SIDT2: variants seen among roughly 807,000 people sequenced by gnomAD.
SIDT2 encodes the protein SID1 transmembrane family, member 2.
Under a neutral mutation model 114.4 loss-of-function variants are expected in SIDT2, and 68 were observed. That is an observed-to-expected ratio of 0.59 (90% CI 0.49 to 0.73). The LOEUF is 0.73. SIDT2 is among the 30% of genes least tolerant of loss of function. SIDT2 has a pLI of 0.00. For synonymous variants in SIDT2, 470 were observed against 438.4 expected (o/e 1.07, Z -0.90); for missense variants, 918 against 1,097.1 (o/e 0.84, Z 2.31).
chr11:117,189,132 G>C (rs756126296), intron 13 of SIDT2, 37 bp from the exon 14 acceptor site: 1 of 1,606,170 alleles, frequency 6.2e-7, no homozygotes, highest in South Asian at 1.1e-5. Context: ...CTTCTCCCAA[G>C]TAGCAGTAAG....
chr11:117,190,162 C>G lies in SIDT2; in HGVS notation c.1494-4C>G. Reference sequence around the variant, plus strand: ...AGCAGTCTGCCTTGTGTTGCCCCTTCTAGCGCCTTCAACAACATCCTCAGC... The same window carrying G: ...AGCAGTCTGCCTTGTGTTGCCCCTTGTAGCGCCTTCAACAACATCCTCAGC... On this transcript the variant is annotated splice_region_variant and splice_polypyrimidine_tract_variant and intron_variant, in intron 16 of 25. Transcript: ENST00000324225. The surrounding 1 kb of genome is among the most constrained non-coding windows in gnomAD (Gnocchi z 4.1). The G allele has an allele frequency of 6.3e-7, 1 of 1,585,410 alleles. No homozygotes were observed. Among genetic ancestry groups the G allele is most frequent in the African/African-American group, 1.3e-5 (1 of 74,282 alleles).
rs761358322 is a variant in SIDT2 at position 117,181,806 on chromosome 11, G to T, written c.306-1G>T. On this transcript the variant is annotated splice_acceptor_variant, in intron 2 of 25. Transcript: ENST00000324225. LOFTEE classifies it high-confidence loss of function. ...TCCTATCTCCCTGCTTCGGGCCATA[G>T]GTTTCAGCGCAAGTACCTCTACCAA... 2 of 1,614,176 alleles carry T rather than the reference G, an allele frequency of 1.2e-6. No homozygotes were observed. The highest frequency in any genetic ancestry group is 1.7e-6 in the Non-Finnish European group (2 of 1,180,036).
chr11:117,190,121 C>CTGGGTGTGAGTCCCAAGCAGTCTGCCT lies in SIDT2; in HGVS notation c.1494-42_1494-16dup. ...TGCCCACGTGGGCTAGGGAAGAGGC[C>CTGGGTGTGAGTCCCAAGCAGTCTGCCT]TGGGTGTGAGTCCCAAGCAGTCTGC... On this transcript the variant is annotated intron_variant, in intron 16 of 25. Transcript: ENST00000324225. The surrounding 1 kb of genome is among the most constrained non-coding windows in gnomAD (Gnocchi z 4.1). 3 of 1,609,384 alleles carry CTGGGTGTGAGTCCCAAGCAGTCTGCCT rather than the reference C, an allele frequency of 1.9e-6. No individual in the cohort carries two copies. In the South Asian group the frequency reaches 3.3e-5, roughly 18 times the overall value.
At chr11:117,181,762 G>T (rs748113514) in intron 2 of SIDT2, 45 bp from the exon 3 acceptor site, 4 of 1,612,546 alleles carry the variant, frequency 2.5e-6, no homozygotes, top group Non-Finnish European at 8.5e-7. Context: ...GGGGCAGGCC[G>T]GCTGGGACAG....
In SIDT2 at chr11:117,184,140, G is replaced by A; in HGVS notation, c.868+1G>A. On this transcript the variant is annotated splice_donor_variant, in intron 8 of 25. Transcript: ENST00000324225. LOFTEE classifies it high-confidence loss of function. ...GTGCTGGTGTCTCAAGCAGTCACGT[G>A]TGAGTGCTGCAGGTGGCTGAGAGGG... The A allele has an allele frequency of 1.2e-6, 2 of 1,614,036 alleles. No homozygotes were observed. Among genetic ancestry groups the A allele is most frequent in the Non-Finnish European group, 1.7e-6 (2 of 1,179,952 alleles).
chr11:117,187,251 G>C, intron 10 of SIDT2, 127 bp from the exon 11 acceptor site: 1 of 1,011,946 alleles, frequency 9.9e-7, no homozygotes, highest in Non-Finnish European at 1.6e-6. Flanking sequence ...GCCTGGATAG[G>C]TGCTGCTTCT....
chr11:117,196,015 A>T lies in SIDT2; in HGVS notation c.2448A>T (p.Thr816=). ...AMFGSFLVLL[T]LDDDLDTVQR... Reference sequence around the variant, plus strand: ...CGTCCACACCCCAGGTGTTGCTGACACTGGATGACGACCTGGATACTGTGC... The same window carrying T: ...CGTCCACACCCCAGGTGTTGCTGACTCTGGATGACGACCTGGATACTGTGC... Residue 816 remains threonine (T), a synonymous_variant, in exon 26 of 26, where the codon ACA becomes ACT. Transcript: ENST00000324225. The surrounding 1 kb of genome is among the most constrained non-coding windows in gnomAD (Gnocchi z 4.9). 6.2e-7 allele frequency: 1 copy of T among 1,614,202 alleles called. No individual in the cohort carries two copies. Among genetic ancestry groups the T allele is most frequent in the Non-Finnish European group, 8.5e-7 (1 of 1,180,030 alleles).
At chr11:117,193,337 G>A in intron 23 of SIDT2, 79 bp downstream of exon 23, 1 of 1,232,658 alleles carries the variant, frequency 8.1e-7, no homozygotes. Context: ...GCATTGAGGG[G>A]CAGTGAGAAG....
At position 117,192,240 on chromosome 11, in the gene SIDT2, TG is replaced by T; in HGVS notation, c.1873-12del. The T allele has an allele frequency of 6.4e-7, 1 of 1,564,340 alleles. No homozygotes were observed. The highest frequency in any genetic ancestry group is 8.8e-7 in the Non-Finnish European group (1 of 1,134,916). On this transcript the variant is annotated splice_polypyrimidine_tract_variant and intron_variant, in intron 19 of 25. Coordinates refer to ENST00000324225, the MANE Select transcript of SIDT2 (RefSeq NM_001040455.2). This position sits in a 1 kb window ranked among gnomAD's most constrained non-coding sequence, Gnocchi z 5.9. ...TCTCCACCCTCACCGCTGCCCTTGG[TG>T]GCCTCCCGACAGGTCTTTGGCAAAG...
At chr11:117,189,440 G>A (rs753116263) in intron 15 of SIDT2, 39 bp downstream of exon 15, 3 of 1,602,704 alleles carry the variant, frequency 1.9e-6, no homozygotes, top group Non-Finnish European at 2.6e-6. Context: ...CGACAGCCTA[G>A]GACACCGCCC....
At chr11:117,195,759 C>G in intron 24 of SIDT2, 43 bp from the exon 25 acceptor site, 2 of 1,608,538 alleles carry the variant, frequency 1.2e-6, no homozygotes, top group Non-Finnish European at 1.7e-6. Flanking sequence ...CCTTGCCCTG[C>G]CAGAGCAGGG....
In SIDT2 at chr11:117,183,849, G is replaced by C; in HGVS notation, c.773G>C (p.Gly258Ala). ...VVKTEDQACG[G>A]SLPFYPFAED... ...AAGACCGAAGACCAAGCCTGCGGGG[G>C]CTCCCTGCCTTTCTACCCCTTCGCA... The change falls in exon 7 of 26, where the codon GGC becomes GCC. Residue 258 changes from glycine to alanine, a missense_variant. Transcript: ENST00000324225. 2 of 1,613,898 alleles carry C rather than the reference G, an allele frequency of 1.2e-6. No individual in the cohort carries two copies. Among genetic ancestry groups the C allele is most frequent in the Non-Finnish European group, 1.7e-6 (2 of 1,179,828 alleles).
In SIDT2 at chr11:117,190,717, C is replaced by A. The variant is rs1466905452; in HGVS notation, c.1712C>A (p.Pro571His). The stretch of plus-strand genomic sequence containing the variant: ...CTCAGTGCTTGCTATCATGTGTGCC[C>A]CAACTATACCAATTTCCAGTTTGGT... ...GLLSACYHVC[P>H]NYTNFQFDTS... is the part of the protein sequence containing the mutation. Residue 571 changes from proline to histidine, a missense_variant, in exon 18 of 26, where the codon CCC (proline) becomes CAC (histidine). By Grantham distance (77) the Pro-to-His change is moderately conservative. This residue lies in a region of SIDT2 where 275 missense variants were observed against 397.6 expected (regional missense o/e 0.69). Coordinates refer to ENST00000324225, the MANE Select transcript of SIDT2 (RefSeq NM_001040455.2). The surrounding 1 kb of genome is among the most constrained non-coding windows in gnomAD (Gnocchi z 4.1). The A allele has an allele frequency of 6.2e-7, 1 of 1,613,930 alleles. No homozygotes were observed. The highest frequency in any genetic ancestry group is 2.2e-5 in the East Asian group (1 of 44,876).
intron 2 of SIDT2, 79 bp downstream of exon 2, chr11:117,181,616 A>G: frequency 1.2e-6 from 2 of 1,601,280 alleles, no homozygotes; most frequent in African/African-American, 1.3e-5. Flanking sequence ...GAGCCCCCCC[A>G]TTTCTCCTCC....
chr11:117,187,550 CCA>C (rs1449326127), intron 11 of SIDT2, 76 bp from the exon 12 acceptor site: 7 of 1,596,686 alleles, frequency 4.4e-6, no homozygotes, highest in Middle Eastern at 3.3e-4. Context: ...CCTCCAGCCC[CCA>C]CACCCTCTGC....
rs796668104 is a variant in SIDT2 at position 117,186,068 on chromosome 11, G to A, written c.869-62G>A. 1.8e-5 allele frequency: 25 copies of A among 1,412,702 alleles called. 1 individual carries two copies. In the African/African-American group the frequency reaches 3.4e-4, roughly 19 times the overall value. The allele number at this position is 1,412,702 out of a possible 1,614,324, so 87.5% of individuals were successfully genotyped here. A position where few individuals can be genotyped will look rare whatever the true frequency, so the allele number is the denominator to read the frequency against. On this transcript the variant is annotated intron_variant, in intron 8 of 25. Transcript: ENST00000324225. ...TGGAGGAGGACATGAAGGCCTTTGG[G>A]TGCCATGATGGGAGGTGGTGGAAGG...
At chr11:117,193,561 C>T (rs936740639) in intron 23 of SIDT2, among the ~76,000 whole-genome samples, 1 of 152,156 alleles carries the variant, frequency 6.6e-6, no homozygotes, top group Non-Finnish European at 1.5e-5. Context: ...TCAGGTGCTT[C>T]CCCAGAAACC....
Position 117,181,418 on chromosome 11 carries a change from A to C in SIDT2, c.186A>C (p.Thr62=). ...GGCATTTCCATGTCGTTCTGCAGACAGAGGGCGTGCGTGTGTCTGTGAACG... is the reference window on the plus strand; with the variant it reads ...GGCATTTCCATGTCGTTCTGCAGACCGAGGGCGTGCGTGTGTCTGTGAACG... ...TFNHTVTRNR[T]EGVRVSVNVL... Residue 62 remains threonine (T), a splice_region_variant and synonymous_variant, in exon 2 of 26, where the codon ACA becomes ACC. Coordinates refer to ENST00000324225, the MANE Select transcript of SIDT2 (RefSeq NM_001040455.2). 6.2e-7 allele frequency: 1 copy of C among 1,613,492 alleles called. No homozygotes were observed. The highest frequency in any genetic ancestry group is 8.5e-7 in the Non-Finnish European group (1 of 1,179,944).
intron 23 of SIDT2, 48 bp from the exon 24 acceptor site, chr11:117,193,805 G>A (rs1180078453): frequency 7.1e-7 from 1 of 1,412,722 alleles, no homozygotes; most frequent in Admixed American, 1.7e-5. Context: ...CAGCGGGGTG[G>A]GACAGGGGTA....
Sources: gnomAD v4.1 joint callset for allele counts (sites outside exome capture counted in the v4.1 genomes callset) on GRCh38, gnomAD v4.1.1 for gene constraint, gnomAD v4.1.1 regional missense constraint, Gnocchi (gnomAD v3.1) non-coding constraint, MANE v1.5 for transcripts, NCBI Gene and HGNC (gene_info 2026-07-23, HGNC 2026-07-21) for gene names.